ACBD6: variants seen among roughly 807,000 people sequenced by gnomAD.
ACBD6 encodes the protein acyl-CoA-binding domain-containing protein 6.
In ACBD6, 28 loss-of-function variants were observed where a neutral mutation model predicts 37.2. That is an observed-to-expected ratio of 0.75 (90% CI 0.56 to 1.03). The LOEUF (loss-of-function observed/expected upper bound fraction) is 1.03. Ranked by LOEUF, ACBD6 falls within the 50% of genes least tolerant of loss-of-function variation. The pLI is 0.00. For missense variants in ACBD6, 340 were observed against 337.4 expected (o/e 1.01, Z -0.06); for synonymous variants, 113 against 126.8 (o/e 0.89, Z 0.73).
At chr1:180,301,920 T>C (rs72714804) in intron 7 of ACBD6, among the ~76,000 whole-genome samples, 22,713 of 152,124 alleles carry the variant, frequency 0.15, 1,828 homozygotes, top group Middle Eastern at 0.22. Flanking sequence ...TTTTACGCAG[T>C]TATGATTTAA....
chr1:180,440,212 G>A (rs966161826), intron 3 of ACBD6, among the ~76,000 whole-genome samples: 1 of 152,122 alleles, frequency 6.6e-6, no homozygotes, highest in Non-Finnish European at 1.5e-5. Flanking sequence ...GGGTTCAAGT[G>A]ATTCTCCTGC....
intron 3 of ACBD6, among the ~76,000 whole-genome samples, chr1:180,460,092 T>C (rs1442053638): frequency 6.6e-6 from 1 of 151,760 alleles, no homozygotes; most frequent in Non-Finnish European, 1.5e-5. Context: ...TAACTCATCA[T>C]TTAACATTAG....
At chr1:180,435,835 T>G in intron 3 of ACBD6, 1 of 1,115,078 alleles carries the variant, frequency 9.0e-7, no homozygotes, top group East Asian at 2.4e-5. Flanking sequence ...TAGGATACAC[T>G]CAGACCCTAA....
At chr1:180,458,417 A>G (rs1650004041) in intron 3 of ACBD6, among the ~76,000 whole-genome samples, 1 of 152,228 alleles carries the variant, frequency 6.6e-6, no homozygotes, top group Non-Finnish European at 1.5e-5. Context: ...TGCTACCAAG[A>G]CATTCAGTAT....
At chr1:180,470,987 G>GAAC (rs1175092313) in intron 3 of ACBD6, among the ~76,000 whole-genome samples, 1 of 152,142 alleles carries the variant, frequency 6.6e-6, no homozygotes, top group African/African-American at 2.4e-5. Context: ...TAAAGTTTCA[G>GAAC]AACTTTTTGT....
At chr1:180,438,353 G>C (rs534368024) in intron 3 of ACBD6, 3 of 152,782 alleles carry the variant, frequency 2.0e-5, no homozygotes, top group African/African-American at 7.2e-5. Context: ...TAAGGTACAG[G>C]GTGTCTTAAA....
chr1:180,404,467 T>C (rs774180683), intron 5 of ACBD6, among the ~76,000 whole-genome samples: 1 of 151,996 alleles, frequency 6.6e-6, no homozygotes, highest in Non-Finnish European at 1.5e-5. Context: ...TATACATATG[T>C]GTATTTTTGA....
downstream of ACBD6, among the ~76,000 whole-genome samples, chr1:180,283,763 A>G (rs1257374695): frequency 6.6e-6 from 1 of 152,244 alleles, no homozygotes; most frequent in Non-Finnish European, 1.5e-5. Context: ...CAGGTTGAGT[A>G]TCCCTAATCT....
chr1:180,456,730 A>AT lies in ACBD6; in HGVS notation c.385-26469dup, dbSNP rs74403437. ...ATGTGACTAAATGTTGATCTTTAAA[A>AT]TTTTTTTTTTTTTAACACCGTCTTT... On this transcript the variant is annotated intron_variant, in intron 3 of 7. Coordinates refer to ENST00000367595, the MANE Select transcript of ACBD6 (RefSeq NM_032360.4). Among the ~76,000 whole-genome samples, 661 of 147,206 alleles carry AT rather than the reference A, an allele frequency of 4.5e-3. 4 individuals carry two copies. The highest frequency in any genetic ancestry group is 0.015 in the African/African-American group (590 of 40,380).
chr1:180,337,146 C>A (rs1013186392), intron 6 of ACBD6, among the ~76,000 whole-genome samples: 1 of 152,174 alleles, frequency 6.6e-6, no homozygotes, highest in African/African-American at 2.4e-5. Flanking sequence ...CTCCCTAACT[C>A]ATTTTATGAG....
chr1:180,407,752 A>G (rs75057192), intron 5 of ACBD6, among the ~76,000 whole-genome samples: 30 of 152,342 alleles, frequency 2.0e-4, no homozygotes, highest in South Asian at 6.2e-4. Flanking sequence ...AACAAGGACA[A>G]TATCTGCCTT....
chr1:180,391,777 A>C (rs1363119498), intron 6 of ACBD6, among the ~76,000 whole-genome samples: 2 of 152,150 alleles, frequency 1.3e-5, no homozygotes, highest in African/African-American at 4.8e-5. Flanking sequence ...GAGCTATGCT[A>C]TGACCCAGCA....
chr1:180,277,647 G>GAGTC (rs1223178553), intron 9 of ACBD6: 2 of 152,204 alleles, frequency 1.3e-5, no homozygotes, highest in Admixed American at 6.5e-5. Flanking sequence ...TCAGTGTTGG[G>GAGTC]AGTCAGGTTC....
downstream of ACBD6, among the ~76,000 whole-genome samples, chr1:180,284,988 T>C (rs1030351047): frequency 6.6e-6 from 1 of 151,794 alleles, no homozygotes; most frequent in East Asian, 2.0e-4. Flanking sequence ...AAAAAGAAAT[T>C]AGTTGAGCCT....
chr1:180,432,849 G>C (rs1461048826), intron 3 of ACBD6, among the ~76,000 whole-genome samples: 1 of 151,380 alleles, frequency 6.6e-6, no homozygotes, highest in African/African-American at 2.4e-5. Context: ...TACCATGACT[G>C]AATCACGAAG....
Position 180,408,657 on chromosome 1 carries a change from T to G in ACBD6, c.573+4709A>C, listed in dbSNP as rs140516973. 4.1e-3 allele frequency among the ~76,000 whole-genome samples: 626 copies of G among 151,832 alleles called. 10 individuals carry two copies. In the East Asian group the frequency reaches 0.05, roughly 12 times the overall value. On this transcript the variant is annotated intron_variant, in intron 5 of 7. Coordinates refer to ENST00000367595, the MANE Select transcript of ACBD6 (RefSeq NM_032360.4). ...ACATTGTGCACATGTACCCTAAAACTTAAAGTATAATAATAATAAAATAAA... is the reference window on the plus strand; with the variant it reads ...ACATTGTGCACATGTACCCTAAAACGTAAAGTATAATAATAATAAAATAAA...
At chr1:180,426,752 G>A (rs983193412) in intron 4 of ACBD6, among the ~76,000 whole-genome samples, 1 of 152,142 alleles carries the variant, frequency 6.6e-6, no homozygotes, top group African/African-American at 2.4e-5. Flanking sequence ...AACTTATTTT[G>A]CACCAGGTAC....
At chr1:180,397,167 C>T (rs1571453672) in intron 6 of ACBD6, among the ~76,000 whole-genome samples, 2 of 152,110 alleles carry the variant, frequency 1.3e-5, no homozygotes, top group South Asian at 4.1e-4. Flanking sequence ...AAACTTTATG[C>T]TAAGTAAAAG....
At chr1:180,482,037 A>G (rs557082432) in intron 3 of ACBD6, among the ~76,000 whole-genome samples, 1 of 152,306 alleles carries the variant, frequency 6.6e-6, no homozygotes, top group Non-Finnish European at 1.5e-5. Flanking sequence ...CACCTAGAGA[A>G]CCTCAATTTA....
Sources: allele counts gnomAD v4.1 joint callset (sites outside exome capture counted in the v4.1 genomes callset), GRCh38; gene constraint gnomAD v4.1.1; transcripts MANE v1.5; gene names NCBI Gene and HGNC (gene_info 2026-07-23, HGNC 2026-07-21).